ADARB2: variants seen among roughly 807,000 people sequenced by gnomAD.
ADARB2 encodes adenosine deaminase RNA specific B2 (inactive), also known as inactive double-stranded RNA-specific editase B2.
ADARB2 carries 25 observed loss-of-function variants against 62.2 expected under a neutral mutation model. That is an observed-to-expected ratio of 0.40 (90% confidence interval 0.29 to 0.56). The LOEUF (loss-of-function observed/expected upper bound fraction) is 0.56. Among genes scored for constraint, ADARB2 ranks in the 20% least tolerant of loss-of-function variants. The pLI, the probability that ADARB2 is intolerant of heterozygous loss-of-function variation, is 0.43. For missense variants in ADARB2, 1,071 were observed against 1,077.4 expected, an observed-to-expected ratio of 0.99 and a Z score of 0.08; for synonymous variants, 572 against 500.8, an observed-to-expected ratio of 1.14 and a Z score of -1.90.
intron 4 of ADARB2, among the ~76,000 whole-genome samples, chr10:1,248,566 G>A (rs1247174541): frequency 6.6e-6 from 1 of 152,220 alleles, no homozygotes; most frequent in Non-Finnish European, 1.5e-5. Context: ...CTCCTGGCCG[G>A]TACTCGGAGC....
At chr10:1,370,544 C>T (rs1588235378) in intron 2 of ADARB2, among the ~76,000 whole-genome samples, 1 of 147,060 alleles carries the variant, frequency 6.8e-6, no homozygotes, top group East Asian at 2.5e-4. Flanking sequence ...GTGTGTATAC[C>T]TAGGAAACCC....
intron 1 of ADARB2, among the ~76,000 whole-genome samples, chr10:1,662,782 T>G (rs1302155990): frequency 6.6e-6 from 1 of 152,124 alleles, no homozygotes; most frequent in Non-Finnish European, 1.5e-5. Flanking sequence ...CCACGCCGGG[T>G]GCCCAGGGTG....
chr10:1,698,559 G>A (rs552572107), intron 1 of ADARB2, among the ~76,000 whole-genome samples: 1 of 152,300 alleles, frequency 6.6e-6, no homozygotes, highest in Admixed American at 6.5e-5. Context: ...ACATCCCTGG[G>A]CTGACACTGC....
chr10:1,228,470 C>T (rs1830767536), intron 6 of ADARB2, among the ~76,000 whole-genome samples: 2 of 152,228 alleles, frequency 1.3e-5, no homozygotes, highest in South Asian at 4.1e-4. Flanking sequence ...AAGGACCCGT[C>T]GCCCTCGTGA....
rs921595997 is a variant in ADARB2, at chr10:1,469,085, C to T, written c.101-89925G>A. ...ATTGCCCTCTAGGAATTGGAAACGG[C>T]CCCCAGATGCATCCATTTCTTCTCT... On this transcript the variant is annotated intron_variant, in intron 1 of 9. Transcript: ENST00000381312. 5.3e-5 allele frequency among the ~76,000 whole-genome samples: 8 copies of T among 152,338 alleles called. No homozygotes were observed. The South Asian group carries it at 1.7e-3, about 32-fold the overall frequency.
intron 3 of ADARB2, among the ~76,000 whole-genome samples, chr10:1,307,719 G>A (rs934075309): frequency 1.1e-5 from 1 of 92,212 alleles, no homozygotes; most frequent in Admixed American, 1.2e-4. Flanking sequence ...AGAAAATGTG[G>A]CACATATATA....
intron 1 of ADARB2, among the ~76,000 whole-genome samples, chr10:1,733,984 G>T (rs1295621653): frequency 1.4e-5 from 2 of 147,326 alleles, no homozygotes; most frequent in Non-Finnish European, 3.0e-5. Context: ...AAATGAGAGA[G>T]ATTTTCCCTG....
chr10:1,525,552 G>A (rs1431356360), intron 1 of ADARB2, among the ~76,000 whole-genome samples: 1 of 152,082 alleles, frequency 6.6e-6, no homozygotes, highest in Non-Finnish European at 1.5e-5. Context: ...TCAGCAGCCC[G>A]ACGCTGGTGG....
chr10:1,621,564 T>C (rs892845664), intron 1 of ADARB2, among the ~76,000 whole-genome samples: 1 of 152,174 alleles, frequency 6.6e-6, no homozygotes, highest in African/African-American at 2.4e-5. Flanking sequence ...AGCAGGCACA[T>C]GCCACCACAT....
At chr10:1,327,503 TGCCCAGCGCCTCCCCATG>T (rs1377170015) in intron 3 of ADARB2, among the ~76,000 whole-genome samples, 1,188 of 49,484 alleles carry the variant, frequency 0.024, 4 homozygotes, top group Admixed American at 0.031. Flanking sequence ...GCCTCCTCAC[TGCCCAGCGCCTCCCCATG>T]GCACAGCGCC....
intron 1 of ADARB2, among the ~76,000 whole-genome samples, chr10:1,547,609 A>G (rs12414351): frequency 0.045 from 497 of 11,050 alleles, 7 homozygotes; most frequent in East Asian, 0.078. Flanking sequence ...CACTGTGTTG[A>G]GGGGAGAGGC....
chr10:1,439,405 T>TC (rs1294732433), intron 1 of ADARB2, among the ~76,000 whole-genome samples: 3 of 142,890 alleles, frequency 2.1e-5, no homozygotes, highest in Non-Finnish European at 1.5e-5. Flanking sequence ...CTCCTGAGTC[T>TC]CCCCCAGGAC....
At chr10:1,555,854 G>A (rs1191916924) in intron 1 of ADARB2, among the ~76,000 whole-genome samples, 1 of 152,152 alleles carries the variant, frequency 6.6e-6, no homozygotes, top group African/African-American at 2.4e-5. Context: ...AGAATTGCTT[G>A]AACATGGGAG....
intron 1 of ADARB2, among the ~76,000 whole-genome samples, chr10:1,702,942 C>G (rs11250749): frequency 1.6e-4 from 24 of 152,300 alleles, no homozygotes; most frequent in Non-Finnish European, 3.1e-4. Flanking sequence ...GGTAGGGACT[C>G]ATTTTCATTG....
chr10:1,364,184 T>G (rs530164328), intron 2 of ADARB2, among the ~76,000 whole-genome samples: 1 of 152,354 alleles, frequency 6.6e-6, no homozygotes, highest in South Asian at 2.1e-4. Flanking sequence ...AGTGAGGCTG[T>G]GTCTCACAAA....
At chr10:1,325,797 A>G (rs1328808462) in intron 3 of ADARB2, among the ~76,000 whole-genome samples, 1 of 152,148 alleles carries the variant, frequency 6.6e-6, no homozygotes, top group Non-Finnish European at 1.5e-5. Flanking sequence ...GGGCACCTGC[A>G]CTTCTGAAAA....
At chr10:1,459,978 A>G (rs1450685270) in intron 1 of ADARB2, among the ~76,000 whole-genome samples, 2 of 116,018 alleles carry the variant, frequency 1.7e-5, no homozygotes, top group African/African-American at 6.3e-5. Context: ...TTACCTGTGT[A>G]GCAAACCTGC....
chr10:1,240,935 G>C (rs1002266341), intron 5 of ADARB2, among the ~76,000 whole-genome samples: 3 of 152,206 alleles, frequency 2.0e-5, no homozygotes, highest in African/African-American at 4.8e-5. Context: ...CTGAGGGATG[G>C]GTTCAACCTG....
intron 1 of ADARB2, among the ~76,000 whole-genome samples, chr10:1,441,278 T>A (rs1396045429): frequency 6.6e-6 from 1 of 152,164 alleles, no homozygotes; most frequent in Non-Finnish European, 1.5e-5. Context: ...CTAAAAAAAA[T>A]TGTTTTTTGG....
Sources: gnomAD v4.1 joint callset for allele counts (sites outside exome capture counted in the v4.1 genomes callset) on GRCh38, gnomAD v4.1.1 for gene constraint, MANE v1.5 for transcripts, NCBI Gene and HGNC (gene_info 2026-07-23, HGNC 2026-07-21) for gene names.